Variants in KIRREL3 observed in about 807,000 individuals in gnomAD.
KIRREL3 encodes the protein kirre like nephrin family adhesion molecule 3.
A neutral mutation model predicts 89.7 loss-of-function variants in KIRREL3; 36 were observed. That is an observed-to-expected ratio of 0.40 (90% confidence interval 0.31 to 0.53). The LOEUF (loss-of-function observed/expected upper bound fraction) is 0.53. Among genes scored for constraint, KIRREL3 ranks in the 20% least tolerant of loss-of-function variants. The probability of loss-of-function intolerance (pLI) is 0.49; values close to 1 mark genes in which losing one functional copy is unlikely to be tolerated. For missense variants in KIRREL3, 864 were observed against 1,056.6 expected, an observed-to-expected ratio of 0.82 and a Z score of 2.53; for synonymous variants, 445 against 441.4, an observed-to-expected ratio of 1.01 and a Z score of -0.10.
Position 126,709,754 on chromosome 11 carries a change from T to C in KIRREL3, c.56-146842A>G, listed in dbSNP as rs563226238. Among the ~76,000 whole-genome samples, 15 of 152,172 alleles carry C rather than the reference T, an allele frequency of 9.9e-5. No homozygotes were observed. The highest frequency in any genetic ancestry group is 3.6e-4 in the African/African-American group (15 of 41,510). On this transcript the variant is annotated intron_variant, in intron 1 of 16. Transcript: ENST00000525144. The surrounding 1 kb of genome is among the most constrained non-coding windows in gnomAD (Gnocchi z 4.0). Reference sequence around the variant, plus strand: ...CATCTCAGACCTCCTGCCTGCAGAATTGTGAGAAAATAAGTTTCTGTTGTT... The same window carrying C: ...CATCTCAGACCTCCTGCCTGCAGAACTGTGAGAAAATAAGTTTCTGTTGTT...
In KIRREL3 at chr11:126,456,039, G is replaced by GTTTTTTTTTTTT. The variant is rs745805898; in HGVS notation, c.848+298_848+309dup. Among the ~76,000 whole-genome samples, 32 of 68,312 alleles carry GTTTTTTTTTTTT rather than the reference G, an allele frequency of 4.7e-4. 3 individuals carry two copies. Among genetic ancestry groups the GTTTTTTTTTTTT allele is most frequent in the African/African-American group, 2.0e-3 (32 of 16,352 alleles). 44.8% of individuals were successfully genotyped at this position (68,312 alleles called of 152,430 possible). ...GTTGTTCTGGTTTTTTTTTGTTTTC[G>GTTTTTTTTTTTT]TTTTTTTTTTTTTTTTTTCCTGAGC... On this transcript the variant is annotated intron_variant, in intron 7 of 16. Transcript: ENST00000525144.
chr11:126,698,470 A>C (rs575638712), intron 1 of KIRREL3, among the ~76,000 whole-genome samples: 1 of 152,232 alleles, frequency 6.6e-6, no homozygotes, highest in Admixed American at 6.5e-5. Flanking sequence ...GGCTTGTCTT[A>C]GTAGGTCAGC....
At chr11:126,426,839 G>C (rs961358022) in intron 15 of KIRREL3, among the ~76,000 whole-genome samples, 1 of 152,216 alleles carries the variant, frequency 6.6e-6, no homozygotes, top group Non-Finnish European at 1.5e-5. Flanking sequence ...GAGACCATGC[G>C]GTTCATTTTT....
rs1389803342 is a variant in KIRREL3 at position 126,802,257 on chromosome 11, C to T, written c.55+198198G>A. Among the ~76,000 whole-genome samples the T allele has an allele frequency of 4.6e-5, 7 of 152,114 alleles. No homozygotes were observed. The South Asian group carries it at 6.2e-4, about 14-fold the overall frequency. Reference sequence around the variant, plus strand: ...TAACCAAAGAGGAGTAAGAGATCCTCCAGGTGGAGTGGGCCATGGTCAAGG... The same window carrying T: ...TAACCAAAGAGGAGTAAGAGATCCTTCAGGTGGAGTGGGCCATGGTCAAGG... On this transcript the variant is annotated intron_variant, in intron 1 of 16. Transcript: ENST00000525144. This position sits in a 1 kb window ranked among gnomAD's most constrained non-coding sequence, Gnocchi z 5.2.
At position 126,708,082 on chromosome 11, in the gene KIRREL3, T is replaced by C. The variant is rs1426523535; in HGVS notation, c.56-145170A>G. Among the ~76,000 whole-genome samples the C allele has an allele frequency of 6.6e-6, 1 of 152,168 alleles. No individual in the cohort carries two copies. The highest frequency in any genetic ancestry group is 1.5e-5 in the Non-Finnish European group (1 of 68,032). On this transcript the variant is annotated intron_variant, in intron 1 of 16. Coordinates refer to ENST00000525144, the MANE Select transcript of KIRREL3 (RefSeq NM_032531.4). The surrounding 1 kb of genome is among the most constrained non-coding windows in gnomAD (Gnocchi z 5.7). ...GATGATCTCCATAGGTCCCAGGGTA[T>C]CCGTGCCCCGTTTGATCAGAAAGAA...
chr11:126,457,914 A>AG (rs1208411685), intron 6 of KIRREL3, among the ~76,000 whole-genome samples: 1 of 152,220 alleles, frequency 6.6e-6, no homozygotes, highest in African/African-American at 2.4e-5. Flanking sequence ...AGAGGTGGGA[A>AG]GGGCTTCCAT....
chr11:126,487,599 T>C lies in KIRREL3; in HGVS notation c.434-14133A>G, dbSNP rs548578295. ...TCCGACCTGAGCCTTCTTCTTTTTT[T>C]GTTTTTTCTCAAAAAGTACAAGCTT... On this transcript the variant is annotated intron_variant, in intron 4 of 16. Transcript: ENST00000525144. 5.3e-5 allele frequency among the ~76,000 whole-genome samples: 8 copies of C among 152,276 alleles called. No individual in the cohort carries two copies. In the East Asian group the frequency reaches 1.5e-3, roughly 29 times the overall value.
intron 1 of KIRREL3, among the ~76,000 whole-genome samples, chr11:126,793,656 G>T (rs1442338829): frequency 6.6e-6 from 1 of 152,182 alleles, no homozygotes; most frequent in Non-Finnish European, 1.5e-5. Flanking sequence ...TGAAGGAAGA[G>T]GTTGGAATTT....
chr11:126,714,730 T>A (rs1174670614), intron 1 of KIRREL3, among the ~76,000 whole-genome samples: 1 of 152,080 alleles, frequency 6.6e-6, no homozygotes, highest in African/African-American at 2.4e-5. Flanking sequence ...TTCCTTCCTT[T>A]CCTACTCACT....
intron 1 of KIRREL3, among the ~76,000 whole-genome samples, chr11:126,816,640 T>A (rs1182930772): frequency 6.6e-6 from 1 of 152,230 alleles, no homozygotes; most frequent in Non-Finnish European, 1.5e-5. Context: ...TCCCACGTGC[T>A]CACAAAGTTC....
Position 126,904,201 on chromosome 11 carries a change from G to A in KIRREL3, c.55+96254C>T, listed in dbSNP as rs936468607. On this transcript the variant is annotated intron_variant, in intron 1 of 16. Coordinates refer to ENST00000525144, the MANE Select transcript of KIRREL3 (RefSeq NM_032531.4). The surrounding 1 kb of genome is among the most constrained non-coding windows in gnomAD (Gnocchi z 4.4). ...TTTAACACACAGGTAAAGTTTTCAG[G>A]ACTATTTTTATCATTTGGACACCGA... Among the ~76,000 whole-genome samples, 1 of 152,096 alleles carries A rather than the reference G, an allele frequency of 6.6e-6. No individual in the cohort carries two copies. The highest frequency in any genetic ancestry group is 6.5e-5 in the Admixed American group (1 of 15,280).
In KIRREL3 at chr11:126,965,387, T is replaced by C. The variant is rs996108944; in HGVS notation, c.55+35068A>G. On this transcript the variant is annotated intron_variant, in intron 1 of 16. Transcript: ENST00000525144. The surrounding 1 kb of genome is among the most constrained non-coding windows in gnomAD (Gnocchi z 4.4). ...CTCAACTCTTAAGAAGTGAAGAGTGTGTTAGTGGTCACTGGGAAGGAACAG... is the reference window on the plus strand; with the variant it reads ...CTCAACTCTTAAGAAGTGAAGAGTGCGTTAGTGGTCACTGGGAAGGAACAG... Among the ~76,000 whole-genome samples, 1 of 152,232 alleles carries C rather than the reference T, an allele frequency of 6.6e-6. No individual in the cohort carries two copies. The highest frequency in any genetic ancestry group is 1.5e-5 in the Non-Finnish European group (1 of 68,040).
intron 8 of KIRREL3, 108 bp downstream of exon 8, chr11:126,448,901 G>T (rs1955924578): frequency 1.7e-6 from 2 of 1,170,620 alleles, no homozygotes; most frequent in Non-Finnish European, 2.3e-6. Flanking sequence ...CGCTCATGAC[G>T]CATGAAGCTT....
chr11:126,873,624 T>A (rs1229587652), intron 1 of KIRREL3, among the ~76,000 whole-genome samples: 1 of 152,200 alleles, frequency 6.6e-6, no homozygotes, highest in African/African-American at 2.4e-5. Context: ...TATTTTTCAA[T>A]GTATTAAAAG....
In KIRREL3 at chr11:126,587,729, G is replaced by A. The variant is rs139062374; in HGVS notation, c.56-24817C>T. Among the ~76,000 whole-genome samples, 18 of 152,290 alleles carry A rather than the reference G, an allele frequency of 1.2e-4. No homozygotes were observed. The highest frequency in any genetic ancestry group is 3.3e-4 in the Admixed American group (5 of 15,294). On this transcript the variant is annotated intron_variant, in intron 1 of 16. Transcript: ENST00000525144. The surrounding 1 kb of genome is among the most constrained non-coding windows in gnomAD (Gnocchi z 5.2). ...TTTTACTTTTCACTAAATTGAAACC[G>A]CAGTACAATATATGTGAATGATTAG...
At position 126,920,716 on chromosome 11, in the gene KIRREL3, CT is replaced by C. The variant is rs759531001; in HGVS notation, c.55+79738del. ...TGTCTTACAGACCCCTGGGCAATCA[CT>C]TTTTTCCCCAACCAGCTCAGACTCC... On this transcript the variant is annotated intron_variant, in intron 1 of 16. Coordinates refer to ENST00000525144, the MANE Select transcript of KIRREL3 (RefSeq NM_032531.4). Among the ~76,000 whole-genome samples, 39 of 152,250 alleles carry C rather than the reference CT, an allele frequency of 2.6e-4. 1 individual carries two copies. The highest frequency in any genetic ancestry group is 1.9e-3 in the East Asian group (10 of 5,180).
Position 126,768,170 on chromosome 11 carries a change from A to AATCC in KIRREL3, c.56-205262_56-205259dup, listed in dbSNP as rs67640196. On this transcript the variant is annotated intron_variant, in intron 1 of 16. Transcript: ENST00000525144. The surrounding 1 kb of genome is among the most constrained non-coding windows in gnomAD (Gnocchi z 4.5). ...CATCCATCCATCCATCCATCCATCC[A>AATCC]ATCCATCCATCCATCCATCCATCCA... Among the ~76,000 whole-genome samples the AATCC allele has an allele frequency of 0.038, 3,066 of 79,682 alleles. 72 individuals are homozygous for AATCC. The highest frequency in any genetic ancestry group is 0.051 in the Non-Finnish European group (1,767 of 34,370). The allele number at this position is 79,682 out of a possible 152,430, so 52.3% of individuals were successfully genotyped here. A position where few individuals can be genotyped will look rare whatever the true frequency, so the allele number is the denominator to read the frequency against.
At chr11:126,467,021 C>G (rs1233380882) in intron 5 of KIRREL3, among the ~76,000 whole-genome samples, 1 of 152,238 alleles carries the variant, frequency 6.6e-6, no homozygotes, top group Non-Finnish European at 1.5e-5. Context: ...GACCCAGCTC[C>G]TGTGTGTGCA....
rs1388770937 is a variant in KIRREL3, at chr11:126,997,112, G to T, written c.55+3343C>A. 6.6e-6 allele frequency among the ~76,000 whole-genome samples: 1 copy of T among 152,214 alleles called. No homozygotes were observed. The highest frequency in any genetic ancestry group is 1.5e-5 in the Non-Finnish European group (1 of 68,046). On this transcript the variant is annotated intron_variant, in intron 1 of 16. Transcript: ENST00000525144. This position sits in a 1 kb window ranked among gnomAD's most constrained non-coding sequence, Gnocchi z 4.3. ...TTATTCCCTCCAAGCTACCTAAGCT[G>T]TGCATGTGCAGGCTGGATGGGATGG...
Sources: gnomAD v4.1 joint callset for allele counts (sites outside exome capture counted in the v4.1 genomes callset) on GRCh38, gnomAD v4.1.1 for gene constraint, Gnocchi (gnomAD v3.1) non-coding constraint, MANE v1.5 for transcripts, NCBI Gene and HGNC (gene_info 2026-07-23, HGNC 2026-07-21) for gene names.